MCTP1: variants seen among roughly 807,000 people sequenced by gnomAD.
MCTP1 encodes multiple C2 and transmembrane domain-containing protein 1.
A neutral mutation model predicts 120.6 loss-of-function variants in MCTP1; 69 were observed. The observed-to-expected ratio is 0.57, with a 90% CI of 0.47 to 0.70. The LOEUF is 0.70. Ranked by LOEUF, MCTP1 falls within the 30% of genes least tolerant of loss-of-function variation. The pLI, the probability that MCTP1 is intolerant of heterozygous loss-of-function variation, is 0.00. For synonymous variants in MCTP1, 529 were observed against 493.1 expected, an observed-to-expected ratio of 1.07 and a Z score of -0.96; for missense variants, 1,203 against 1,248.8, an observed-to-expected ratio of 0.96 and a Z score of 0.55.
At chr5:94,834,878 TG>T (rs1219237315) in intron 17 of MCTP1, among the ~76,000 whole-genome samples, 1 of 145,254 alleles carries the variant, frequency 6.9e-6, no homozygotes, top group Admixed American at 7.3e-5. Flanking sequence ...AGTGCAATGG[TG>T]CAATCCCTGC....
chr5:95,061,824 A>C (rs1396129051), intron 1 of MCTP1, among the ~76,000 whole-genome samples: 1 of 152,176 alleles, frequency 6.6e-6, no homozygotes, highest in African/African-American at 2.4e-5. Flanking sequence ...TCTGAAACTC[A>C]TGACAGCACC....
chr5:94,849,220 GTAATTAAAATCTATT>G, intron 17 of MCTP1, among the ~76,000 whole-genome samples: 1 of 152,168 alleles, frequency 6.6e-6, no homozygotes, highest in Non-Finnish European at 1.5e-5. Flanking sequence ...GGATTTTAGT[GTAATTAAAATCTATT>G]TCCTTCTTTA....
chr5:94,768,666 C>A (rs909297441), intron 19 of MCTP1, among the ~76,000 whole-genome samples: 1 of 152,036 alleles, frequency 6.6e-6, no homozygotes, highest in Admixed American at 6.5e-5. Context: ...TGGAGAAATG[C>A]AAACCAAAAC....
intron 1 of MCTP1, among the ~76,000 whole-genome samples, chr5:95,118,922 C>T (rs1310626604): frequency 6.6e-6 from 1 of 152,124 alleles, no homozygotes; most frequent in African/African-American, 2.4e-5. Flanking sequence ...AAATAGACTC[C>T]AATAAAATAA....
chr5:94,817,741 A>G (rs1430680114), intron 17 of MCTP1, among the ~76,000 whole-genome samples: 2 of 152,254 alleles, frequency 1.3e-5, no homozygotes, highest in Non-Finnish European at 2.9e-5. Flanking sequence ...GTATTTATAC[A>G]TATTTCCTCT....
Position 95,061,002 on chromosome 5 carries a change from ATTTT to A in MCTP1, c.721-43522_721-43519del, listed in dbSNP as rs35187920. 8.7e-3 allele frequency among the ~76,000 whole-genome samples: 929 copies of A among 107,192 alleles called. 9 individuals carry two copies. The highest frequency in any genetic ancestry group is 0.028 in the African/African-American group (863 of 30,680). The allele number at this position is 107,192 out of a possible 152,430, so 70.3% of individuals were successfully genotyped here. A position where few individuals can be genotyped will look rare whatever the true frequency, so the allele number is the denominator to read the frequency against. On this transcript the variant is annotated intron_variant, in intron 1 of 22. Transcript: ENST00000515393. Reference sequence around the variant, plus strand: ...ATGAAGAATCTGTCCTCAAATGTACATTTTTTTTTTTTTTTTTTGCATTCTTAAT... The same window carrying A: ...ATGAAGAATCTGTCCTCAAATGTACATTTTTTTTTTTTTTGCATTCTTAAT...
chr5:94,865,136 C>T (rs1172858057), intron 17 of MCTP1, among the ~76,000 whole-genome samples: 1 of 151,846 alleles, frequency 6.6e-6, no homozygotes, highest in African/African-American at 2.4e-5. Context: ...ACCTTCCAGA[C>T]CAATGCCTGT....
chr5:94,924,230 A>ATT (rs1812433986), intron 6 of MCTP1, among the ~76,000 whole-genome samples: 1 of 152,088 alleles, frequency 6.6e-6, no homozygotes, highest in Admixed American at 6.5e-5. Context: ...TATTTCTGTA[A>ATT]TTTTTTAAGA....
chr5:94,724,781 T>C (rs980006554), intron 19 of MCTP1, among the ~76,000 whole-genome samples: 1 of 152,152 alleles, frequency 6.6e-6, no homozygotes, highest in Non-Finnish European at 1.5e-5. Flanking sequence ...TTTGACTTAA[T>C]TGCCCAGCCA....
chr5:95,008,880 C>T (rs2153652807), intron 2 of MCTP1, among the ~76,000 whole-genome samples: 1 of 152,124 alleles, frequency 6.6e-6, no homozygotes, highest in East Asian at 1.9e-4. Flanking sequence ...CAAGAATTCT[C>T]CCAGATGGGC....
At chr5:95,085,450 G>GTCA (rs1755360223) in intron 1 of MCTP1, among the ~76,000 whole-genome samples, 6 of 146,332 alleles carry the variant, frequency 4.1e-5, no homozygotes, top group South Asian at 4.3e-4. Flanking sequence ...TTTACATGTG[G>GTCA]TTCTGCTTAG....
At position 94,912,466 on chromosome 5, in the gene MCTP1, A is replaced by AAAAAAAAAAAAAAAAAAAAAAAAG. The variant is rs1211529200; in HGVS notation, c.1521+339_1521+340insCTTTTTTTTTTTTTTTTTTTTTTT. 2.5e-4 allele frequency among the ~76,000 whole-genome samples: 23 copies of AAAAAAAAAAAAAAAAAAAAAAAAG among 92,038 alleles called. 5 individuals carry two copies. The highest frequency in any genetic ancestry group is 3.4e-4 in the African/African-American group (9 of 26,702). The allele number at this position is 92,038 out of a possible 152,430, so 60.4% of individuals were successfully genotyped here. A position where few individuals can be genotyped will look rare whatever the true frequency, so the allele number is the denominator to read the frequency against. On this transcript the variant is annotated intron_variant, in intron 9 of 22. Coordinates refer to ENST00000515393, the MANE Select transcript of MCTP1 (RefSeq NM_024717.7). ...AAAAAAAAAAAAAAAAAAAAAAAAAAGCCGCACTCTGAGTACTTTATGTGC... is the reference window on the plus strand; with the variant it reads ...AAAAAAAAAAAAAAAAAAAAAAAAAAAAAAAAAAAAAAAAAAAAAAAAAGGCCGCACTCTGAGTACTTTATGTGC...
intron 17 of MCTP1, among the ~76,000 whole-genome samples, chr5:94,817,988 C>A (rs768347827): frequency 6.6e-6 from 1 of 152,146 alleles, no homozygotes; most frequent in African/African-American, 2.4e-5. Context: ...TCAGCTGCTC[C>A]TGGTTATACT....
intron 1 of MCTP1, among the ~76,000 whole-genome samples, chr5:95,134,976 A>C (rs1759323801): frequency 8.7e-6 from 1 of 114,986 alleles, no homozygotes; most frequent in African/African-American, 3.3e-5. Flanking sequence ...ATCTCGATTT[A>C]CTGTTGCCTG....
At chr5:94,719,682 T>C (rs1760401781) in intron 19 of MCTP1, among the ~76,000 whole-genome samples, 1 of 151,822 alleles carries the variant, frequency 6.6e-6, no homozygotes, top group Non-Finnish European at 1.5e-5. Context: ...CGGGGAGCAA[T>C]GTGGGGAGGG....
At chr5:95,281,666 T>C (rs1760330309) in intron 1 of MCTP1, among the ~76,000 whole-genome samples, 1 of 152,260 alleles carries the variant, frequency 6.6e-6, no homozygotes, top group African/African-American at 2.4e-5. Context: ...ATTTCTCTTA[T>C]GTCTATGTCG....
chr5:95,022,553 T>C (rs911112984), intron 1 of MCTP1, among the ~76,000 whole-genome samples: 1 of 152,164 alleles, frequency 6.6e-6, no homozygotes, highest in Non-Finnish European at 1.5e-5. Context: ...AAATTGAAAA[T>C]GAATTATGCT....
intron 1 of MCTP1, among the ~76,000 whole-genome samples, chr5:95,173,905 G>T (rs1226464052): frequency 6.7e-6 from 1 of 148,762 alleles, no homozygotes; most frequent in East Asian, 1.9e-4. Context: ...AGAGTAATTG[G>T]AAATTAAAAA....
intron 1 of MCTP1, among the ~76,000 whole-genome samples, chr5:95,173,580 C>G (rs542956159): frequency 6.6e-6 from 1 of 152,268 alleles, no homozygotes; most frequent in Admixed American, 6.5e-5. Context: ...TACATCCAGT[C>G]TCAATTCTAC....
Sources: gnomAD v4.1 joint callset for allele counts (sites outside exome capture counted in the v4.1 genomes callset) on GRCh38, gnomAD v4.1.1 for gene constraint, MANE v1.5 for transcripts, NCBI Gene and HGNC (gene_info 2026-07-23, HGNC 2026-07-21) for gene names.